SMIM36: variants seen among roughly 807,000 people sequenced by gnomAD.
SMIM36 encodes small integral membrane protein 36.
chr17:55,484,796 C>T (rs889787100), intron 1 of SMIM36, among the ~76,000 whole-genome samples: 1 of 152,146 alleles, frequency 6.6e-6, no homozygotes, highest in Non-Finnish European at 1.5e-5. Context: ...AAACTTGAGG[C>T]GTGGTCACTG....
At chr17:55,473,941 C>G (rs1909383457) in intron 3 of SMIM36, among the ~76,000 whole-genome samples, 1 of 152,174 alleles carries the variant, frequency 6.6e-6, no homozygotes. Context: ...GGCCCCTGAC[C>G]TAATCAGTTA....
At chr17:55,482,111 G>A (rs1461576832) in intron 1 of SMIM36, among the ~76,000 whole-genome samples, 1 of 152,186 alleles carries the variant, frequency 6.6e-6, no homozygotes, top group Non-Finnish European at 1.5e-5. Context: ...TGAAGTTGGT[G>A]AGCTAGACAG....
intron 4 of SMIM36, among the ~76,000 whole-genome samples, chr17:55,466,560 G>A (rs1180745080): frequency 6.6e-6 from 1 of 152,142 alleles, no homozygotes; most frequent in Non-Finnish European, 1.5e-5. Context: ...TTTCCTCTTG[G>A]AGTTCTCAAG....
intron 3 of SMIM36, among the ~76,000 whole-genome samples, chr17:55,478,420 G>A (rs541675821): frequency 1.3e-5 from 2 of 152,008 alleles, no homozygotes; most frequent in African/African-American, 4.8e-5. Context: ...AGTAGAGACA[G>A]GATCTTGCCT....
chr17:55,515,238 C>T (rs1489589274), upstream of SMIM36, among the ~76,000 whole-genome samples: 1 of 151,796 alleles, frequency 6.6e-6, no homozygotes, highest in Non-Finnish European at 1.5e-5. Context: ...TTTCAAAAGT[C>T]CACTTGTCCC....
chr17:55,501,364 A>ATT (rs1309685009), intron 1 of SMIM36, among the ~76,000 whole-genome samples: 2 of 81,096 alleles, frequency 2.5e-5, no homozygotes, highest in Non-Finnish European at 4.0e-5. Context: ...TATAATATAT[A>ATT]ATATATTATA....
chr17:55,471,020 G>A (rs1406540236), intron 3 of SMIM36, among the ~76,000 whole-genome samples: 1 of 152,036 alleles, frequency 6.6e-6, no homozygotes, highest in Admixed American at 6.5e-5. Context: ...CCATCCTATA[G>A]TGCCAAATCC....
chr17:55,460,231 C>T (rs1320713588), intron 4 of SMIM36, among the ~76,000 whole-genome samples: 1 of 151,778 alleles, frequency 6.6e-6, no homozygotes, highest in Non-Finnish European at 1.5e-5. Flanking sequence ...AGTTCAAGAC[C>T]AGCCTGGCCA....
chr17:55,492,306 G>A (rs190323111), intron 1 of SMIM36, among the ~76,000 whole-genome samples: 12 of 132,752 alleles, frequency 9.0e-5, no homozygotes, highest in East Asian at 4.4e-4. Flanking sequence ...GCAATGGCGC[G>A]ACCTTGGCTC....
chr17:55,489,214 C>T (rs1731969270), intron 1 of SMIM36, among the ~76,000 whole-genome samples: 1 of 152,096 alleles, frequency 6.6e-6, no homozygotes, highest in African/African-American at 2.4e-5. Flanking sequence ...CTTGTCTCTA[C>T]TAAAAATACA....
intron 1 of SMIM36, among the ~76,000 whole-genome samples, chr17:55,493,764 C>T (rs200322985): frequency 1.2e-4 from 16 of 138,726 alleles, no homozygotes; most frequent in African/African-American, 4.5e-4. Context: ...GACCCGAGAT[C>T]GCGCCACTGC....
intron 4 of SMIM36, among the ~76,000 whole-genome samples, chr17:55,459,058 C>T (rs1909087529): frequency 6.6e-6 from 1 of 152,162 alleles, no homozygotes; most frequent in Admixed American, 6.5e-5. Flanking sequence ...AACATTCACC[C>T]CTATACACTA....
At chr17:55,514,081 A>G (rs1027124201), upstream of SMIM36, among the ~76,000 whole-genome samples, 3 of 152,120 alleles carry the variant, frequency 2.0e-5, no homozygotes, top group Non-Finnish European at 4.4e-5. Context: ...TCTTCGGTGA[A>G]ATGCTGGGTG....
intron 1 of SMIM36, among the ~76,000 whole-genome samples, chr17:55,494,521 A>T (rs1205172564): frequency 6.6e-6 from 1 of 152,168 alleles, no homozygotes; most frequent in Admixed American, 6.6e-5. Flanking sequence ...TTACACATAG[A>T]CAAACTCCAA....
intron 1 of SMIM36, among the ~76,000 whole-genome samples, chr17:55,494,273 CAG>C (rs1172224913): frequency 1.3e-5 from 2 of 152,082 alleles, no homozygotes; most frequent in Non-Finnish European, 2.9e-5. Context: ...AAAAAGAACA[CAG>C]GGGAAAGGAC....
intron 1 of SMIM36, among the ~76,000 whole-genome samples, chr17:55,501,719 G>T (rs1293101238): frequency 6.7e-6 from 1 of 150,308 alleles, no homozygotes; most frequent in Non-Finnish European, 1.5e-5. Context: ...ATACATTCGG[G>T]GAGGAGCCAA....
chr17:55,490,790 T>C (rs753900465), intron 1 of SMIM36, among the ~76,000 whole-genome samples: 2 of 152,170 alleles, frequency 1.3e-5, no homozygotes, highest in Non-Finnish European at 2.9e-5. Context: ...ACATACACTA[T>C]GATCATAAGT....
chr17:55,476,405 A>G (rs1052052190), intron 3 of SMIM36, among the ~76,000 whole-genome samples: 1 of 151,670 alleles, frequency 6.6e-6, no homozygotes, highest in Non-Finnish European at 1.5e-5. Context: ...GCCCCACCCC[A>G]TCTCCCTTTG....
chr17:55,491,850 A>G (rs1248325104), intron 1 of SMIM36, among the ~76,000 whole-genome samples: 2 of 152,190 alleles, frequency 1.3e-5, no homozygotes, highest in Non-Finnish European at 1.5e-5. Context: ...TTTCTTCAAC[A>G]TCAGAGTGAA....
Sources: gnomAD v4.1 joint callset for allele counts (sites outside exome capture counted in the v4.1 genomes callset) on GRCh38, gnomAD v4.1.1 for gene constraint, MANE v1.5 for transcripts, NCBI Gene and HGNC (gene_info 2026-07-23, HGNC 2026-07-21) for gene names.